LARGE1: variants seen among roughly 807,000 people sequenced by gnomAD.
The protein encoded by LARGE1 is xylosyl- and glucuronyltransferase LARGE1.
In LARGE1, 43 loss-of-function variants were observed where a neutral mutation model predicts 87.6. The observed-to-expected ratio is 0.49, with a 90% confidence interval of 0.38 to 0.63. The LOEUF (loss-of-function observed/expected upper bound fraction) is 0.63. Ranked by LOEUF, LARGE1 falls within the 30% of genes least tolerant of loss-of-function variation. The pLI, the probability that LARGE1 is intolerant of heterozygous loss-of-function variation, is 0.00. For missense variants in LARGE1, 802 were observed against 1,000.2 expected (o/e 0.80, Z 2.67); for synonymous variants, 434 against 394.6 (o/e 1.10, Z -1.18).
the LARGE1 span, among the ~76,000 whole-genome samples, chr22:33,134,595 T>G: frequency 1.3e-5 from 2 of 152,104 alleles, no homozygotes; most frequent in African/African-American, 4.8e-5. Context: ...TGTTTTAGGA[T>G]AGTGGTCATA....
chr22:33,521,350 G>A (rs1015719528), intron 6 of LARGE1, among the ~76,000 whole-genome samples: 1 of 152,230 alleles, frequency 6.6e-6, no homozygotes, highest in Admixed American at 6.5e-5. Context: ...TGGATCAGCT[G>A]GGCTGGCTAC....
chr22:33,875,245 C>T (rs2064427721), intron 1 of LARGE1, among the ~76,000 whole-genome samples: 3 of 152,238 alleles, frequency 2.0e-5, no homozygotes, highest in South Asian at 2.1e-4. Context: ...ACACCCCACC[C>T]TCACCATTCT....
In LARGE1 at chr22:33,662,201, A is replaced by C. The variant is rs373194732; in HGVS notation, c.107-11533T>G. Among the ~76,000 whole-genome samples, 20 of 151,696 alleles carry C rather than the reference A, an allele frequency of 1.3e-4. No individual in the cohort carries two copies. In the East Asian group the frequency reaches 2.9e-3, roughly 22 times the overall value. ...AAGCCTGGTCCAGAGAGTGTTCTTT[A>C]GGCTATGCGTCAGGTAGAATGGTCA... On this transcript the variant is annotated intron_variant, in intron 2 of 14. Coordinates refer to ENST00000397394, the MANE Select transcript of LARGE1 (RefSeq NM_133642.5).
At chr22:33,662,888 G>A (rs1429741112) in intron 2 of LARGE1, among the ~76,000 whole-genome samples, 1 of 152,156 alleles carries the variant, frequency 6.6e-6, no homozygotes, top group Non-Finnish European at 1.5e-5. Flanking sequence ...AAGCCTGGCT[G>A]GACATTCCTT....
At chr22:33,283,174 C>A (rs752895182) in intron 13 of LARGE1, 28 bp downstream of exon 13, 1 of 1,613,704 alleles carries the variant, frequency 6.2e-7, no homozygotes. Context: ...TCGAGCACCC[C>A]CAGAGTACAG....
rs191817850 is a variant in LARGE1 at position 33,458,699 on chromosome 22, A to T, written c.788-26434T>A. On this transcript the variant is annotated intron_variant, in intron 6 of 14. Coordinates refer to ENST00000397394, the MANE Select transcript of LARGE1 (RefSeq NM_133642.5). Reference sequence around the variant, plus strand: ...CACCTAGGCCTCCCAAAGTGCTGGGATTACATGCGTGAGCCACTGTGTCCA... The same window carrying T: ...CACCTAGGCCTCCCAAAGTGCTGGGTTTACATGCGTGAGCCACTGTGTCCA... 4.2e-3 allele frequency among the ~76,000 whole-genome samples: 643 copies of T among 152,198 alleles called. 8 individuals are homozygous for T. Among genetic ancestry groups the T allele is most frequent in the African/African-American group, 0.015 (617 of 41,528 alleles).
chr22:33,683,112 T>C (rs1478341741), intron 2 of LARGE1, among the ~76,000 whole-genome samples: 1 of 152,250 alleles, frequency 6.6e-6, no homozygotes. Flanking sequence ...ATAAATTGAC[T>C]TGACTGGGCT....
At chr22:33,492,692 G>A (rs1000645359) in intron 6 of LARGE1, among the ~76,000 whole-genome samples, 6 of 152,156 alleles carry the variant, frequency 3.9e-5, no homozygotes, top group Admixed American at 2.0e-4. Context: ...GCCAATGAGC[G>A]AGTGATTTCT....
intron 2 of LARGE1, among the ~76,000 whole-genome samples, chr22:33,720,325 G>C (rs1569402866): frequency 6.6e-6 from 1 of 152,086 alleles, no homozygotes; most frequent in Non-Finnish European, 1.5e-5. Flanking sequence ...AGCTCACGGG[G>C]TAACGGGAGT....
intron 6 of LARGE1, among the ~76,000 whole-genome samples, chr22:33,535,281 T>C (rs1388564486): frequency 6.6e-6 from 1 of 152,124 alleles, no homozygotes; most frequent in Non-Finnish European, 1.5e-5. Flanking sequence ...CGGTGGCTCA[T>C]GCCTGTAATC....
At chr22:33,532,029 C>T (rs1176021402) in intron 6 of LARGE1, among the ~76,000 whole-genome samples, 1 of 152,228 alleles carries the variant, frequency 6.6e-6, no homozygotes, top group Non-Finnish European at 1.5e-5. Flanking sequence ...TTGCAATCAA[C>T]TTAGATGCCG....
At chr22:33,746,917 G>A (rs1423271575) in intron 2 of LARGE1, among the ~76,000 whole-genome samples, 2 of 152,166 alleles carry the variant, frequency 1.3e-5, no homozygotes, top group Non-Finnish European at 2.9e-5. Context: ...AAGTGGGCCA[G>A]AAGAGAGGCA....
chr22:33,751,296 C>T (rs930919184), intron 2 of LARGE1, among the ~76,000 whole-genome samples: 1 of 152,112 alleles, frequency 6.6e-6, no homozygotes, highest in Non-Finnish European at 1.5e-5. Context: ...GCCTGGCCAA[C>T]ATGGCGAAAC....
intron 6 of LARGE1, among the ~76,000 whole-genome samples, chr22:33,493,006 G>C (rs2069924130): frequency 3.3e-5 from 5 of 152,090 alleles, no homozygotes; most frequent in Admixed American, 3.3e-4. Context: ...AATTATCAGA[G>C]TATCCCATTA....
At chr22:33,189,541 G>T (rs1161169642) in intron 11 of LARGE1, among the ~76,000 whole-genome samples, 1 of 152,110 alleles carries the variant, frequency 6.6e-6, no homozygotes, top group Admixed American at 6.6e-5. Flanking sequence ...TGAAAGAAGG[G>T]ATAACCACAT....
intron 10 of LARGE1, among the ~76,000 whole-genome samples, chr22:33,323,591 C>T (rs1936954032): frequency 6.6e-6 from 1 of 151,714 alleles, no homozygotes; most frequent in Admixed American, 6.6e-5. Context: ...ACGAAGCAGG[C>T]CATAAAAAAC....
chr22:33,731,400 G>C (rs1032986005), intron 2 of LARGE1, among the ~76,000 whole-genome samples: 4 of 152,102 alleles, frequency 2.6e-5, no homozygotes, highest in African/African-American at 9.7e-5. Flanking sequence ...TTCAGGAAAG[G>C]GAATAGCTAG....
intron 9 of LARGE1, among the ~76,000 whole-genome samples, chr22:33,372,627 T>C (rs756728397): frequency 2.6e-5 from 4 of 152,154 alleles, no homozygotes; most frequent in African/African-American, 9.7e-5. Context: ...GCTCCCATGA[T>C]TCAATTATTT....
chr22:33,656,097 A>G (rs1020321101), intron 2 of LARGE1, among the ~76,000 whole-genome samples: 2 of 152,008 alleles, frequency 1.3e-5, no homozygotes, highest in African/African-American at 4.8e-5. Context: ...ACACACAAAT[A>G]TTACTTCATA....
Sources: allele counts gnomAD v4.1 joint callset (sites outside exome capture counted in the v4.1 genomes callset), GRCh38; gene constraint gnomAD v4.1.1; transcripts MANE v1.5; gene names NCBI Gene and HGNC (gene_info 2026-07-23, HGNC 2026-07-21).